PTPRN2: variants seen among roughly 807,000 people sequenced by gnomAD.
PTPRN2 encodes receptor-type tyrosine-protein phosphatase N2.
Under a neutral mutation model 118.8 loss-of-function variants are expected in PTPRN2, and 74 were observed. The ratio of observed to expected loss-of-function variants is 0.62; its 90% CI spans 0.52 to 0.76. PTPRN2 has a LOEUF of 0.76. Among genes scored for constraint, PTPRN2 ranks in the 30% least tolerant of loss-of-function variants. The probability of loss-of-function intolerance (pLI) is 0.00; values close to 1 mark genes in which losing one functional copy is unlikely to be tolerated. For missense variants in PTPRN2, 1,481 were observed against 1,394.4 expected, an observed-to-expected ratio of 1.06 and a Z score of -0.99; for synonymous variants, 641 against 608.0, an observed-to-expected ratio of 1.05 and a Z score of -0.80.
At chr7:158,011,650 T>C (rs4019384) in intron 11 of PTPRN2, among the ~76,000 whole-genome samples, 128,036 of 152,190 alleles carry the variant, frequency 0.84, 53,956 homozygotes, top group East Asian at 0.88. Context: ...GAAACTACAC[T>C]TTATATTTTG....
chr7:157,881,978 T>C lies in PTPRN2; in HGVS notation c.1788+16695A>G, dbSNP rs150078454. On this transcript the variant is annotated intron_variant, in intron 12 of 22. Transcript: ENST00000389418. The surrounding 1 kb of genome is among the most constrained non-coding windows in gnomAD (Gnocchi z 4.7). Reference sequence around the variant, plus strand: ...AAAATGACTGTCATACATCAGAACATGCCACCCCAAAAACAACTGTCGAAG... The same window carrying C: ...AAAATGACTGTCATACATCAGAACACGCCACCCCAAAAACAACTGTCGAAG... 2.6e-5 allele frequency among the ~76,000 whole-genome samples: 4 copies of C among 151,598 alleles called. No homozygotes were observed. The highest frequency in any genetic ancestry group is 9.7e-5 in the African/African-American group (4 of 41,300).
At chr7:158,336,286 C>T (rs1292220229) in intron 2 of PTPRN2, among the ~76,000 whole-genome samples, 3 of 126,798 alleles carry the variant, frequency 2.4e-5, no homozygotes, top group Admixed American at 7.9e-5. Context: ...AGAGCTGACG[C>T]CCGCAGACGT....
intron 2 of PTPRN2, among the ~76,000 whole-genome samples, chr7:158,460,673 T>C (rs1036701293): frequency 2.0e-5 from 3 of 152,256 alleles, no homozygotes; most frequent in Non-Finnish European, 2.9e-5. Flanking sequence ...TCACCAAGCA[T>C]ACGCAGTGCC....
intron 10 of PTPRN2, among the ~76,000 whole-genome samples, chr7:158,103,775 G>A (rs73748066): frequency 0.27 from 41,281 of 152,022 alleles, 5,776 homozygotes; most frequent in South Asian, 0.4. Flanking sequence ...ACTGCTCTTT[G>A]TAATGCCCAT....
At chr7:157,700,806 G>A (rs560910831) in intron 12 of PTPRN2, among the ~76,000 whole-genome samples, 16 of 152,246 alleles carry the variant, frequency 1.1e-4, no homozygotes, top group South Asian at 8.3e-4. Context: ...CCTGGTCAGC[G>A]GCCGCGAGGG....
At chr7:157,684,565 G>C (rs1381358680) in intron 12 of PTPRN2, among the ~76,000 whole-genome samples, 7 of 151,508 alleles carry the variant, frequency 4.6e-5, no homozygotes, top group Admixed American at 1.3e-4. Context: ...GATCCGGTCC[G>C]CGCCCCCTCC....
chr7:158,507,515 C>T (rs1397076952), intron 1 of PTPRN2, among the ~76,000 whole-genome samples: 2 of 150,118 alleles, frequency 1.3e-5, no homozygotes, highest in South Asian at 2.2e-4. Context: ...CTGCGCTGGG[C>T]GGGAAATCAC....
intron 12 of PTPRN2, among the ~76,000 whole-genome samples, chr7:157,837,452 G>C (rs1002549768): frequency 1.3e-5 from 2 of 151,430 alleles, no homozygotes; most frequent in African/African-American, 2.4e-5. Context: ...AGGTGGTGGA[G>C]GGGGGAGGCT....
chr7:158,412,939 C>T (rs935604026), intron 2 of PTPRN2, among the ~76,000 whole-genome samples: 17 of 149,300 alleles, frequency 1.1e-4, no homozygotes, highest in African/African-American at 4.0e-4. Flanking sequence ...CAGCGCCCTC[C>T]TCAGCACCAG....
At chr7:158,389,188 CT>C (rs1310458146) in intron 2 of PTPRN2, among the ~76,000 whole-genome samples, 2 of 152,258 alleles carry the variant, frequency 1.3e-5, no homozygotes, top group African/African-American at 4.8e-5. Context: ...GGTGCGGCCA[CT>C]GAGGCCACAC....
intron 12 of PTPRN2, among the ~76,000 whole-genome samples, chr7:157,792,459 A>G (rs937171422): frequency 6.6e-6 from 1 of 152,118 alleles, no homozygotes; most frequent in South Asian, 2.1e-4. Context: ...AGCTCAGCCG[A>G]GGTCTCCGCG....
At chr7:158,117,145 A>C (rs1271077808) in intron 9 of PTPRN2, among the ~76,000 whole-genome samples, 1 of 152,178 alleles carries the variant, frequency 6.6e-6, no homozygotes, top group African/African-American at 2.4e-5. Flanking sequence ...AATTGTCATA[A>C]AAATGCTTGA....
intron 11 of PTPRN2, among the ~76,000 whole-genome samples, chr7:158,059,137 G>A (rs373144948): frequency 6.8e-4 from 59 of 86,626 alleles, no homozygotes; most frequent in Admixed American, 8.4e-4. Context: ...ATCTGCCCAC[G>A]GTGAGACATC....
At chr7:158,209,650 A>T (rs141277418) in intron 3 of PTPRN2, among the ~76,000 whole-genome samples, 1 of 152,336 alleles carries the variant, frequency 6.6e-6, no homozygotes, top group East Asian at 1.9e-4. Context: ...TGAGACAGAA[A>T]TTCAACGAAG....
At position 157,656,602 on chromosome 7, in the gene PTPRN2, C is replaced by G. The variant is rs1161692043; in HGVS notation, c.2002-51G>C. 2.1e-6 allele frequency: 3 copies of G among 1,447,880 alleles called. No homozygotes were observed. In the Admixed American group the frequency reaches 6.0e-5, roughly 29 times the overall value. The allele number at this position is 1,447,880 out of a possible 1,614,324, so 89.7% of individuals were successfully genotyped here. On this transcript the variant is annotated intron_variant, in intron 13 of 22. Transcript: ENST00000389418. ...GGGGGTTAGTGGCATTGGGGACACC[C>G]AGCAGGACGAGGGCCACGGCACCCA... is the stretch of plus-strand genomic sequence containing the variant.
chr7:158,204,155 C>A (rs1585840584), intron 4 of PTPRN2, among the ~76,000 whole-genome samples: 2 of 151,802 alleles, frequency 1.3e-5, no homozygotes, highest in South Asian at 4.2e-4. Flanking sequence ...TCAGTGTGTG[C>A]GGCGTTCTGG....
chr7:158,445,557 T>A (rs1403736513), intron 2 of PTPRN2, among the ~76,000 whole-genome samples: 1 of 152,248 alleles, frequency 6.6e-6, no homozygotes, highest in Admixed American at 6.5e-5. Context: ...CAGGTTCGTC[T>A]GGCCCTAATC....
At chr7:158,190,815 C>A (rs905473452) in intron 5 of PTPRN2, among the ~76,000 whole-genome samples, 3 of 152,252 alleles carry the variant, frequency 2.0e-5, no homozygotes, top group Admixed American at 2.0e-4. Flanking sequence ...GTTTGGCGGC[C>A]GTGGACAGAC....
chr7:158,130,966 A>G (rs1211709034), intron 9 of PTPRN2, among the ~76,000 whole-genome samples: 1 of 151,344 alleles, frequency 6.6e-6, no homozygotes, highest in Non-Finnish European at 1.5e-5. Flanking sequence ...TACCCAACAC[A>G]CACATATACA....
Sources: gnomAD v4.1 joint callset for allele counts (sites outside exome capture counted in the v4.1 genomes callset) on GRCh38, gnomAD v4.1.1 for gene constraint, Gnocchi (gnomAD v3.1) non-coding constraint, MANE v1.5 for transcripts, NCBI Gene and HGNC (gene_info 2026-07-23, HGNC 2026-07-21) for gene names.